The following GATA4 variants were observed in gnomAD, a reference collection of about 807,000 sequenced individuals.
GATA4 encodes the protein transcription factor GATA-4.
Under a neutral mutation model 37.9 loss-of-function variants are expected in GATA4, and 7 were observed. The ratio of observed to expected loss-of-function variants is 0.18; its 90% CI spans 0.11 to 0.35. The LOEUF (loss-of-function observed/expected upper bound fraction) is 0.35, where lower values mean the gene tolerates loss of function less well. GATA4 is among the 10% of genes least tolerant of loss of function. The pLI, the probability that GATA4 is intolerant of heterozygous loss-of-function variation, is 1.00. For synonymous variants in GATA4, 372 were observed against 292.6 expected (o/e 1.27, Z -2.77); for missense variants, 647 against 653.0 (o/e 0.99, Z 0.10).
chr8:11,729,649 C>T (rs961093424), intron 2 of GATA4, among the ~76,000 whole-genome samples: 2 of 152,044 alleles, frequency 1.3e-5, no homozygotes, highest in African/African-American at 4.8e-5. Flanking sequence ...AAAGCCCTCA[C>T]AGCGTTGGTC....
chr8:11,758,398 C>A lies in GATA4; in HGVS notation c.1255C>A (p.Pro419Thr). Reference sequence around the variant, plus strand: ...CTATGCGTCTCCCGTCAGCCAGTCTCCACAGACCAGCTCCAAGCAGGACTC... The same window carrying A: ...CTATGCGTCTCCCGTCAGCCAGTCTACACAGACCAGCTCCAAGCAGGACTC... Reference protein sequence around the residue: ...QGYASPVSQSPQTSSKQDSWN... With the variant: ...QGYASPVSQSTQTSSKQDSWN... The change falls in exon 7 of 7, where the codon CCA becomes ACA. Residue 419 changes from proline (P) to threonine (T), a missense_variant. Pro to Thr is a conservative substitution (Grantham distance 38, BLOSUM62 -1). Transcript: ENST00000532059. 6.2e-7 allele frequency: 1 copy of A among 1,614,238 alleles called. No homozygotes were observed. The highest frequency in any genetic ancestry group is 8.5e-7 in the Non-Finnish European group (1 of 1,180,046).
Position 11,758,714 on chromosome 8 carries a change from A to C in GATA4, c.*239A>C. On this transcript the variant is annotated 3_prime_UTR_variant, in exon 7 of 7. Transcript: ENST00000532059. ...CCACCCTTCAGCACGAGCACACTGC[A>C]TCTCTCCTGTGAGTTGGAGACTTCT... 1 of 570,542 alleles carries C rather than the reference A, an allele frequency of 1.8e-6. No individual in the cohort carries two copies. The allele number at this position is 570,542 out of a possible 1,614,324, so 35.3% of individuals were successfully genotyped here. A position where few individuals can be genotyped will look rare whatever the true frequency, so the allele number is the denominator to read the frequency against.
chr8:11,755,318 G>A (rs112000505), intron 5 of GATA4, among the ~76,000 whole-genome samples, 185 bp downstream of exon 5: 28 of 152,338 alleles, frequency 1.8e-4, no homozygotes, highest in African/African-American at 5.5e-4. Flanking sequence ...GCCATGGAAC[G>A]TGTTGGGAGC....
intron 4 of GATA4, among the ~76,000 whole-genome samples, chr8:11,754,213 C>T (rs568696147): frequency 4.6e-5 from 7 of 152,236 alleles, no homozygotes; most frequent in South Asian, 4.1e-4. Context: ...TTGATAGCAC[C>T]GCTGCACCCT....
At chr8:11,681,099 C>T (rs1321876283) in intron 1 of GATA4, 21 of 978,622 alleles carry the variant, frequency 2.1e-5, no homozygotes, top group South Asian at 4.7e-5. Context: ...GGTGGCGCCC[C>T]AGGCTCGCAG....
intron 5 of GATA4, 93 bp downstream of exon 5, chr8:11,755,226 G>A (rs1802496554): frequency 9.2e-6 from 9 of 982,206 alleles, no homozygotes; most frequent in African/African-American, 1.6e-5. Context: ...AGGCCAGCCC[G>A]GGCCGCCAGG....
chr8:11,751,054 G>A (rs1441245615), intron 4 of GATA4, among the ~76,000 whole-genome samples: 1 of 152,136 alleles, frequency 6.6e-6, no homozygotes, highest in African/African-American at 2.4e-5. Context: ...GGGGATGGGA[G>A]AACTTCTTAA....
chr8:11,755,356 G>C (rs1802503916), intron 5 of GATA4, among the ~76,000 whole-genome samples: 1 of 152,144 alleles, frequency 6.6e-6, no homozygotes. Context: ...CTCAAGCTGG[G>C]GCCTGATCAT....
chr8:11,712,592 C>G (rs1800239526), intron 2 of GATA4, among the ~76,000 whole-genome samples: 1 of 151,530 alleles, frequency 6.6e-6, no homozygotes, highest in Non-Finnish European at 1.5e-5. Context: ...TGCAGTGGCT[C>G]ACACCTGTAA....
chr8:11,755,242 G>C (rs1802498281), intron 5 of GATA4, 109 bp downstream of exon 5: 2 of 838,240 alleles, frequency 2.4e-6, no homozygotes, highest in Admixed American at 2.0e-5. Context: ...CCAGGGGGTG[G>C]TGACAGCATC....
intron 6 of GATA4, among the ~76,000 whole-genome samples, 182 bp from the exon 7 acceptor site, chr8:11,758,111 C>T (rs1165370586): frequency 6.6e-6 from 1 of 152,178 alleles, no homozygotes; most frequent in Non-Finnish European, 1.5e-5. Context: ...ATGCATCACC[C>T]AGACCCTTCA....
chr8:11,712,679 G>C (rs948777518), intron 2 of GATA4, among the ~76,000 whole-genome samples: 2 of 136,282 alleles, frequency 1.5e-5, no homozygotes, highest in African/African-American at 5.9e-5. Context: ...AACATAGTGA[G>C]ACCACATCTC....
At chr8:11,722,627 A>G (rs1800727592) in intron 2 of GATA4, among the ~76,000 whole-genome samples, 1 of 152,194 alleles carries the variant, frequency 6.6e-6, no homozygotes, top group African/African-American at 2.4e-5. Flanking sequence ...GGCTTTTCCC[A>G]GAGGACTTCT....
chr8:11,708,178 TC>T lies in GATA4; in HGVS notation c.-131del. The T allele has an allele frequency of 2.0e-6, 2 of 1,010,720 alleles. No homozygotes were observed. The highest frequency in any genetic ancestry group is 3.0e-6 in the Non-Finnish European group (2 of 669,774). 62.6% of individuals were successfully genotyped at this position (1,010,720 alleles called of 1,614,324 possible). On this transcript the variant is annotated 5_prime_UTR_variant, in exon 2 of 7. Coordinates refer to ENST00000532059, the MANE Select transcript of GATA4 (RefSeq NM_001308093.3). The surrounding 1 kb of genome is among the most constrained non-coding windows in gnomAD (Gnocchi z 6.7). ...TATATTTTTAAGCGAGTTGGTTTTT[TC>T]CCCTTTGATTTTTGATCTTCGCGAC... is the stretch of plus-strand genomic sequence containing the variant.
intron 2 of GATA4, among the ~76,000 whole-genome samples, chr8:11,724,970 G>T (rs1283402767): frequency 1.3e-5 from 2 of 152,250 alleles, no homozygotes; most frequent in East Asian, 1.9e-4. Flanking sequence ...CCTTCCATGT[G>T]CCCCTCATGC....
intron 2 of GATA4, among the ~76,000 whole-genome samples, chr8:11,729,504 G>A (rs1396038154): frequency 6.6e-6 from 1 of 150,560 alleles, no homozygotes; most frequent in Non-Finnish European, 1.5e-5. Flanking sequence ...AGGACACAGA[G>A]GTTGCTGTGC....
intron 2 of GATA4, among the ~76,000 whole-genome samples, chr8:11,737,824 G>A (rs1325203573): frequency 6.6e-6 from 1 of 152,164 alleles, no homozygotes; most frequent in African/African-American, 2.4e-5. Context: ...AATTAAAAAT[G>A]TTACTGCATG....
intron 1 of GATA4, among the ~76,000 whole-genome samples, chr8:11,693,478 A>AAG (rs113044488): frequency 0.033 from 4,706 of 144,286 alleles, 108 homozygotes; most frequent in East Asian, 0.11. Flanking sequence ...AGGGAGAAAG[A>AAG]AGAGAGAGAG....
chr8:11,749,157 G>T lies in GATA4; in HGVS notation c.786+72G>T. The T allele has an allele frequency of 6.6e-7, 1 of 1,526,388 alleles. No homozygotes were observed. The highest frequency in any genetic ancestry group is 9.0e-7 in the Non-Finnish European group (1 of 1,116,034). 94.6% of individuals were successfully genotyped at this position (1,526,388 alleles called of 1,614,324 possible). ...TCTCGCCTTGGTGGGACATCCTCTG[G>T]TTTTGAATTTTGGAACTTGAGGGTG... On this transcript the variant is annotated intron_variant, in intron 3 of 6. Coordinates refer to ENST00000532059, the MANE Select transcript of GATA4 (RefSeq NM_001308093.3). This position sits in a 1 kb window ranked among gnomAD's most constrained non-coding sequence, Gnocchi z 4.6.
Sources: allele counts gnomAD v4.1 joint callset (sites outside exome capture counted in the v4.1 genomes callset), GRCh38; gene constraint gnomAD v4.1.1; non-coding constraint Gnocchi (gnomAD v3.1); transcripts MANE v1.5; gene names NCBI Gene and HGNC (gene_info 2026-07-23, HGNC 2026-07-21).